The following CDH9 variants were observed in gnomAD, a reference collection of about 807,000 sequenced individuals.
The protein encoded by CDH9 is cadherin 9.
Under a neutral mutation model 70.9 loss-of-function variants are expected in CDH9, and 28 were observed. The ratio of observed to expected loss-of-function variants is 0.40; its 90% CI spans 0.29 to 0.54. The LOEUF is 0.54. Ranked by LOEUF, CDH9 falls within the 20% of genes least tolerant of loss-of-function variation. The pLI is 0.59. For missense variants in CDH9, 874 were observed against 984.4 expected (o/e 0.89, Z 1.50); for synonymous variants, 409 against 343.1 (o/e 1.19, Z -2.12).
At chr5:26,955,601 T>TG (rs1741933521) in intron 2 of CDH9, among the ~76,000 whole-genome samples, 1 of 151,138 alleles carries the variant, frequency 6.6e-6, no homozygotes, top group South Asian at 2.1e-4. Context: ...TCTCTCTCTC[T>TG]CTCTGTGTGT....
intron 2 of CDH9, among the ~76,000 whole-genome samples, chr5:26,981,526 A>T (rs1226733613): frequency 6.6e-6 from 1 of 152,130 alleles, no homozygotes; most frequent in African/African-American, 2.4e-5. Context: ...TGGAATCCAC[A>T]TATATGGAGA....
intron 1 of CDH9, among the ~76,000 whole-genome samples, chr5:27,015,529 T>C (rs867203049): frequency 2.6e-5 from 4 of 151,784 alleles, no homozygotes; most frequent in African/African-American, 9.7e-5. Context: ...TCATTAGTCA[T>C]TAGATATATG....
chr5:26,901,336 G>C lies in CDH9; in HGVS notation c.1253+1140C>G, dbSNP rs1440586497. 4.0e-5 allele frequency among the ~76,000 whole-genome samples: 6 copies of C among 151,682 alleles called. No individual in the cohort carries two copies. In the Admixed American group the frequency reaches 4.0e-4, roughly 10 times the overall value. ...AACCCTAATTTTCAATCTAATATAAGCTCTAGGCATTAACTACACATTGGA... is the reference window on the plus strand; with the variant it reads ...AACCCTAATTTTCAATCTAATATAACCTCTAGGCATTAACTACACATTGGA... On this transcript the variant is annotated intron_variant, in intron 7 of 11. Transcript: ENST00000231021.
rs1742525883 is a variant in CDH9 at position 26,988,475 on chromosome 5, A to T, written c.-49-93T>A. The T allele has an allele frequency of 1.1e-5, 12 of 1,129,684 alleles. No homozygotes were observed. The Admixed American group carries it at 3.2e-4, about 30-fold the overall frequency. The allele number at this position is 1,129,684 out of a possible 1,614,324, so 70.0% of individuals were successfully genotyped here. ...GAAATACTTATTCCAGACATTATTT[A>T]AATTTTATTATGTACTATATATACA... is the stretch of plus-strand genomic sequence containing the variant. On this transcript the variant is annotated intron_variant, in intron 1 of 11. Transcript: ENST00000231021.
chr5:26,885,133 T>C (rs1308507783), intron 11 of CDH9, among the ~76,000 whole-genome samples: 10 of 152,168 alleles, frequency 6.6e-5, no homozygotes, highest in Admixed American at 6.6e-4. Flanking sequence ...TTAGTAACTA[T>C]AAGGGCAAAG....
chr5:26,961,288 AT>A (rs1182830152), intron 2 of CDH9, among the ~76,000 whole-genome samples: 3 of 152,134 alleles, frequency 2.0e-5, no homozygotes, highest in African/African-American at 7.2e-5. Flanking sequence ...TCTTTCAGCA[AT>A]TTTTAAGTAT....
rs114604273 is a variant in CDH9 at position 27,016,162 on chromosome 5, C to A, written c.-50+22301G>T. Reference sequence around the variant, plus strand: ...ATAGTATAATATCTCAATAAATCTCCAACTTGACAATACCAGCATGTGAGT... The same window carrying A: ...ATAGTATAATATCTCAATAAATCTCAAACTTGACAATACCAGCATGTGAGT... On this transcript the variant is annotated intron_variant, in intron 1 of 11. Coordinates refer to ENST00000231021, the MANE Select transcript of CDH9 (RefSeq NM_016279.4). Among the ~76,000 whole-genome samples the A allele has an allele frequency of 7.8e-3, 1,180 of 151,888 alleles. 27 individuals are homozygous for A. The highest frequency in any genetic ancestry group is 0.027 in the African/African-American group (1,118 of 41,522).
chr5:26,899,218 G>A (rs1487035601), intron 7 of CDH9, among the ~76,000 whole-genome samples: 2 of 152,128 alleles, frequency 1.3e-5, no homozygotes, highest in Non-Finnish European at 2.9e-5. Flanking sequence ...TTACACTGTT[G>A]GTGGGAATGT....
chr5:26,905,248 C>T (rs1740925733), intron 5 of CDH9, among the ~76,000 whole-genome samples: 1 of 152,038 alleles, frequency 6.6e-6, no homozygotes, highest in African/African-American at 2.4e-5. Flanking sequence ...TTCTGCAGGA[C>T]ATCATGAAAT....
chr5:26,896,992 C>T (rs930243424), intron 7 of CDH9, among the ~76,000 whole-genome samples: 2 of 151,932 alleles, frequency 1.3e-5, no homozygotes, highest in Admixed American at 1.3e-4. Flanking sequence ...GGAATATCAC[C>T]AGTGATCCCA....
intron 7 of CDH9, among the ~76,000 whole-genome samples, chr5:26,899,882 G>GA (rs1009390291): frequency 6.8e-6 from 1 of 146,874 alleles, no homozygotes; most frequent in Non-Finnish European, 1.5e-5. Flanking sequence ...AAAAAAAAAA[G>GA]AAAAAAATAA....
intron 2 of CDH9, among the ~76,000 whole-genome samples, chr5:26,919,973 G>A (rs559529264): frequency 3.8e-4 from 58 of 152,218 alleles, no homozygotes; most frequent in African/African-American, 1.4e-3. Flanking sequence ...TCCCAGCTGT[G>A]GTGGTCGTGG....
At chr5:27,025,401 C>A (rs1184978270) in intron 1 of CDH9, among the ~76,000 whole-genome samples, 1 of 151,902 alleles carries the variant, frequency 6.6e-6, no homozygotes, top group African/African-American at 2.4e-5. Context: ...AACTGGAGAC[C>A]AATCAGAAGA....
chr5:26,958,813 A>G (rs1443226195), intron 2 of CDH9, among the ~76,000 whole-genome samples: 1 of 152,180 alleles, frequency 6.6e-6, no homozygotes, highest in African/African-American at 2.4e-5. Context: ...AATAAGAATG[A>G]CTGGACAAAA....
Position 26,906,699 on chromosome 5 carries a change from G to A in CDH9, c.643+20C>T, listed in dbSNP as rs751419861. ...TAATGTATTATACAATAAGAAGTCA[G>A]CCAAGTTTAAATGTTGTACCTGATT... is the stretch of plus-strand genomic sequence containing the variant. On this transcript the variant is annotated intron_variant, in intron 4 of 11. Coordinates refer to ENST00000231021, the MANE Select transcript of CDH9 (RefSeq NM_016279.4). The A allele has an allele frequency of 6.2e-7, 1 of 1,611,314 alleles. No homozygotes were observed. The highest frequency in any genetic ancestry group is 8.5e-7 in the Non-Finnish European group (1 of 1,178,794).
chr5:27,002,020 C>A (rs912096384), intron 1 of CDH9, among the ~76,000 whole-genome samples: 2 of 152,080 alleles, frequency 1.3e-5, no homozygotes, highest in African/African-American at 4.8e-5. Flanking sequence ...GCCAACTACT[C>A]ATCTGACAAA....
At chr5:27,020,459 A>T (rs562572332) in intron 1 of CDH9, among the ~76,000 whole-genome samples, 1 of 151,730 alleles carries the variant, frequency 6.6e-6, no homozygotes, top group East Asian at 1.9e-4. Context: ...TAATAAACTA[A>T]AAAAATTAAC....
At chr5:26,967,065 T>A (rs1742142230) in intron 2 of CDH9, among the ~76,000 whole-genome samples, 1 of 152,148 alleles carries the variant, frequency 6.6e-6, no homozygotes, top group Admixed American at 6.6e-5. Flanking sequence ...TCCAAGTAGC[T>A]GGGACCACAT....
At chr5:26,938,301 T>C (rs936435761) in intron 2 of CDH9, among the ~76,000 whole-genome samples, 1 of 151,626 alleles carries the variant, frequency 6.6e-6, no homozygotes, top group Non-Finnish European at 1.5e-5. Flanking sequence ...TATTTACACA[T>C]ATATTATAAA....
Sources: gnomAD v4.1 joint callset for allele counts (sites outside exome capture counted in the v4.1 genomes callset) on GRCh38, gnomAD v4.1.1 for gene constraint, MANE v1.5 for transcripts, NCBI Gene and HGNC (gene_info 2026-07-23, HGNC 2026-07-21) for gene names.